Variants in CCDC158 observed in about 807,000 individuals in gnomAD.
CCDC158 encodes coiled-coil domain containing 158, also known as coiled-coil domain-containing protein 158.
CCDC158 carries 116 observed loss-of-function variants against 138.6 expected under a neutral mutation model. That is an observed-to-expected ratio of 0.84 (90% CI 0.72 to 0.98). CCDC158 has a LOEUF of 0.98. Ranked by LOEUF, CCDC158 falls within the 50% of genes least tolerant of loss-of-function variation. The probability of loss-of-function intolerance (pLI) is 0.00; values close to 1 mark genes in which losing one functional copy is unlikely to be tolerated. For synonymous variants in CCDC158, 436 were observed against 442.4 expected (o/e 0.99, Z 0.18); for missense variants, 1,265 against 1,306.1 (o/e 0.97, Z 0.48).
intron 18 of CCDC158, among the ~76,000 whole-genome samples, chr4:76,339,025 G>A (rs1207649715): frequency 2.0e-5 from 3 of 152,072 alleles, no homozygotes; most frequent in South Asian, 2.1e-4. Flanking sequence ...TGCAATAGAC[G>A]GTTCAAATTC....
chr4:76,375,295 T>C, intron 9 of CCDC158: 1 of 377,376 alleles, frequency 2.6e-6, no homozygotes, highest in Non-Finnish European at 4.7e-6. Flanking sequence ...GATTTCATTC[T>C]AATCTCACAT....
At chr4:76,319,926 T>C (rs1202344001) in intron 24 of CCDC158, among the ~76,000 whole-genome samples, 1 of 152,102 alleles carries the variant, frequency 6.6e-6, no homozygotes, top group Non-Finnish European at 1.5e-5. Context: ...AACATTGTAC[T>C]GGAAGTCCTA....
intron 24 of CCDC158, among the ~76,000 whole-genome samples, chr4:76,322,157 C>T (rs1720081317): frequency 6.6e-6 from 1 of 152,060 alleles, no homozygotes; most frequent in Non-Finnish European, 1.5e-5. Flanking sequence ...AAAAAAAATG[C>T]TAAAACCCCA....
intron 18 of CCDC158, among the ~76,000 whole-genome samples, chr4:76,340,829 T>G (rs1393465087): frequency 6.6e-6 from 1 of 152,034 alleles, no homozygotes; most frequent in Non-Finnish European, 1.5e-5. Flanking sequence ...CATCCCAAAA[T>G]CACCCCCCGC....
intron 9 of CCDC158, among the ~76,000 whole-genome samples, chr4:76,376,987 C>T (rs1332453287): frequency 3.9e-5 from 6 of 152,160 alleles, no homozygotes; most frequent in African/African-American, 1.4e-4. Flanking sequence ...ATCTATATGA[C>T]CCCAAAACAT....
rs1301444137 is a variant in CCDC158 at position 76,345,303 on chromosome 4, TACAGACAC to T, written c.2664+5685_2664+5692del. On this transcript the variant is annotated intron_variant, in intron 18 of 24. Coordinates refer to ENST00000682701, the MANE Select transcript of CCDC158 (RefSeq NM_001394954.1). ...CATCGAAGCTGCTAAGGATCTCTTA[TACAGACAC>T]ACCAAAGCCCTCATTGATTATGAGA... is the stretch of plus-strand genomic sequence containing the variant. The T allele has an allele frequency of 4.0e-5, 42 of 1,062,456 alleles. No individual in the cohort carries two copies. The Admixed American group carries it at 6.9e-4, about 17-fold the overall frequency. The allele number at this position is 1,062,456 out of a possible 1,614,324, so 65.8% of individuals were successfully genotyped here.
At chr4:76,366,754 T>C (rs1724710893) in intron 12 of CCDC158, among the ~76,000 whole-genome samples, 1 of 152,086 alleles carries the variant, frequency 6.6e-6, no homozygotes, top group African/African-American at 2.4e-5. Flanking sequence ...CTAATATTTA[T>C]TAAATTTTAA....
At position 76,378,824 on chromosome 4, in the gene CCDC158, G is replaced by A. The variant is rs1247763366; in HGVS notation, c.1029+466C>T. Among the ~76,000 whole-genome samples, 4 of 152,190 alleles carry A rather than the reference G, an allele frequency of 2.6e-5. No homozygotes were observed. In the East Asian group the frequency reaches 7.7e-4, roughly 29 times the overall value. On this transcript the variant is annotated intron_variant, in intron 9 of 24. Coordinates refer to ENST00000682701, the MANE Select transcript of CCDC158 (RefSeq NM_001394954.1). ...TAAAAGGAATTACATGATGATGAGA[G>A]ATGACTTATCCTCCTAATTAATTTT...
chr4:76,391,006 A>G (rs908876059), intron 4 of CCDC158, among the ~76,000 whole-genome samples: 1 of 152,040 alleles, frequency 6.6e-6, no homozygotes, highest in Non-Finnish European at 1.5e-5. Flanking sequence ...GAAATAAAAG[A>G]GAGATAAGCC....
intron 19 of CCDC158, among the ~76,000 whole-genome samples, chr4:76,333,498 A>G (rs1241006897): frequency 6.6e-6 from 1 of 152,190 alleles, no homozygotes; most frequent in Non-Finnish European, 1.5e-5. Flanking sequence ...TTTTGGATCT[A>G]ATCTTTTACT....
chr4:76,403,117 T>G, intron 3 of CCDC158, 21 bp downstream of exon 3: 1 of 1,543,750 alleles, frequency 6.5e-7, no homozygotes, highest in South Asian at 1.2e-5. Context: ...TTCCCCATTT[T>G]GTTTTATAAA....
At chr4:76,366,312 C>T (rs1384152080) in intron 12 of CCDC158, among the ~76,000 whole-genome samples, 3 of 152,080 alleles carry the variant, frequency 2.0e-5, no homozygotes, top group Non-Finnish European at 4.4e-5. Flanking sequence ...ATGCAATGAA[C>T]TTGTTTATTT....
intron 18 of CCDC158, among the ~76,000 whole-genome samples, chr4:76,337,370 C>T (rs1023649059): frequency 1.3e-5 from 2 of 152,156 alleles, no homozygotes; most frequent in Non-Finnish European, 2.9e-5. Context: ...ATGTTAAATA[C>T]TTCATTGGTT....
chr4:76,320,713 G>T (rs1719916551), intron 24 of CCDC158, among the ~76,000 whole-genome samples: 1 of 152,138 alleles, frequency 6.6e-6, no homozygotes, highest in Non-Finnish European at 1.5e-5. Context: ...TTTAACAAAT[G>T]GTGCTGGAAT....
intron 2 of CCDC158, 83 bp from the exon 3 acceptor site, chr4:76,403,363 C>A: frequency 2.2e-6 from 1 of 461,740 alleles, no homozygotes; most frequent in Non-Finnish European, 3.8e-6. Context: ...GACTTTTTAA[C>A]ATTGAAATTT....
intron 24 of CCDC158, among the ~76,000 whole-genome samples, chr4:76,319,693 T>A (rs555820826): frequency 6.6e-6 from 1 of 151,240 alleles, no homozygotes; most frequent in Non-Finnish European, 1.5e-5. Context: ...ACAATAATCA[T>A]ATCATCATCT....
At chr4:76,417,118 G>T (rs1368833920) in intron 1 of CCDC158, among the ~76,000 whole-genome samples, 2 of 152,236 alleles carry the variant, frequency 1.3e-5, no homozygotes, top group Non-Finnish European at 2.9e-5. Flanking sequence ...GCATCAGCGT[G>T]ACCTTGATGT....
At chr4:76,330,456 A>G (rs916678742) in intron 21 of CCDC158, among the ~76,000 whole-genome samples, 1 of 152,232 alleles carries the variant, frequency 6.6e-6, no homozygotes, top group African/African-American at 2.4e-5. Flanking sequence ...AATAGGTATG[A>G]TATAGTATCA....
At chr4:76,415,959 G>A (rs573522040) in intron 1 of CCDC158, among the ~76,000 whole-genome samples, 5 of 152,176 alleles carry the variant, frequency 3.3e-5, no homozygotes, top group South Asian at 2.1e-4. Context: ...TGACAGGCCC[G>A]CCTGCAGTTA....
Sources: allele counts gnomAD v4.1 joint callset (sites outside exome capture counted in the v4.1 genomes callset), GRCh38; gene constraint gnomAD v4.1.1; transcripts MANE v1.5; gene names NCBI Gene and HGNC (gene_info 2026-07-23, HGNC 2026-07-21).